Variants in UBR2 observed in about 807,000 individuals in gnomAD.
UBR2 encodes the protein ubiquitin protein ligase E3 component n-recognin 2.
A neutral mutation model predicts 247.9 loss-of-function variants in UBR2; 92 were observed. The observed-to-expected ratio is 0.37, with a 90% CI of 0.31 to 0.44. UBR2 has a LOEUF of 0.44. Among genes scored for constraint, UBR2 ranks in the 20% least tolerant of loss-of-function variants. The probability of loss-of-function intolerance (pLI) is 1.00; values close to 1 mark genes in which losing one functional copy is unlikely to be tolerated. For synonymous variants in UBR2, 672 were observed against 693.5 expected, an observed-to-expected ratio of 0.97 and a Z score of 0.49; for missense variants, 1,613 against 2,112.6, an observed-to-expected ratio of 0.76 and a Z score of 4.64.
chr6:42,659,096 G>A lies in UBR2; in HGVS notation c.3242+272G>A, dbSNP rs754878591. On this transcript the variant is annotated intron_variant, in intron 29 of 46. Coordinates refer to ENST00000372901, the MANE Select transcript of UBR2 (RefSeq NM_001363705.2). This position sits in a 1 kb window ranked among gnomAD's most constrained non-coding sequence, Gnocchi z 4.3. ...TACACTACACTCAGTTACCTAGAGC[G>A]TATGACATCTGTGTTGAAGATTAGA... Among the ~76,000 whole-genome samples, 32 of 152,114 alleles carry A rather than the reference G, an allele frequency of 2.1e-4. No individual in the cohort carries two copies. The highest frequency in any genetic ancestry group is 4.1e-4 in the Non-Finnish European group (28 of 68,022).
intron 4 of UBR2, among the ~76,000 whole-genome samples, chr6:42,602,733 A>G (rs1305304185): frequency 1.4e-5 from 2 of 146,006 alleles, no homozygotes; most frequent in African/African-American, 2.5e-5. Context: ...TATATTTTGC[A>G]CTATGTTTTA....
In UBR2 at chr6:42,603,638, T is replaced by G. The variant is rs924055151; in HGVS notation, c.582T>G (p.Ile194Met). ...SEDVIARTYN[I>M]FAITFRYAVE... The stretch of plus-strand genomic sequence containing the variant: ...ATGTGATAGCAAGAACTTATAACAT[T>G]TTTGCTATTACGTTTCGGTATGCAG... Residue 194 changes from isoleucine (I) to methionine (M), a missense_variant, in exon 5 of 47, where the codon ATT (isoleucine) becomes ATG (methionine). Transcript: ENST00000372901. 4.4e-6 allele frequency: 7 copies of G among 1,597,852 alleles called. No homozygotes were observed. The highest frequency in any genetic ancestry group is 6.0e-6 in the Non-Finnish European group (7 of 1,176,366).
intron 9 of UBR2, among the ~76,000 whole-genome samples, chr6:42,615,752 T>TA (rs112022552): frequency 0.031 from 4,107 of 130,420 alleles, 150 homozygotes; most frequent in African/African-American, 0.1. Context: ...AGCAAGACCC[T>TA]AAAAAAAAAA....
intron 44 of UBR2, among the ~76,000 whole-genome samples, chr6:42,687,766 C>T (rs967294477): frequency 6.6e-6 from 1 of 152,142 alleles, no homozygotes; most frequent in Non-Finnish European, 1.5e-5. Flanking sequence ...GTCTCAAACT[C>T]CTGACCTCAG....
intron 44 of UBR2, among the ~76,000 whole-genome samples, chr6:42,687,157 G>C (rs1414241513): frequency 1.3e-5 from 2 of 152,180 alleles, no homozygotes; most frequent in Non-Finnish European, 2.9e-5. Context: ...AGGTTGTAGC[G>C]AGCCGAGATC....
At chr6:42,629,112 G>A (rs1795535046) in intron 11 of UBR2, among the ~76,000 whole-genome samples, 1 of 152,028 alleles carries the variant, frequency 6.6e-6, no homozygotes, top group East Asian at 1.9e-4. Flanking sequence ...CGCCTCCTGG[G>A]TTCAAGCAGT....
intron 2 of UBR2, among the ~76,000 whole-genome samples, chr6:42,576,665 G>T (rs1170284650): frequency 6.6e-6 from 1 of 151,830 alleles, no homozygotes; most frequent in African/African-American, 2.4e-5. Context: ...GAGTAGATGG[G>T]ACTACAGGCG....
chr6:42,590,370 TA>T (rs1372089656), intron 2 of UBR2, among the ~76,000 whole-genome samples: 4 of 152,198 alleles, frequency 2.6e-5, no homozygotes, highest in Non-Finnish European at 4.4e-5. Context: ...AAATGATAGC[TA>T]AATGAGGACA....
Position 42,626,967 on chromosome 6 carries a change from C to G in UBR2, c.1282-5585C>G, listed in dbSNP as rs377457983. The stretch of plus-strand genomic sequence containing the variant: ...ACAATGGGTTACCTTGCTCGCTGCC[C>G]AGATAGAGCCGATTTATGAAGACGA... On this transcript the variant is annotated intron_variant, in intron 11 of 46. Transcript: ENST00000372901. Among the ~76,000 whole-genome samples, 48 of 152,180 alleles carry G rather than the reference C, an allele frequency of 3.2e-4. No individual in the cohort carries two copies. In the East Asian group the frequency reaches 8.3e-3, roughly 26 times the overall value.
At chr6:42,564,932 C>CT (rs372808088) in intron 1 of UBR2, among the ~76,000 whole-genome samples, 2,515 of 149,626 alleles carry the variant, frequency 0.017, 24 homozygotes, top group Middle Eastern at 0.028. Flanking sequence ...TCAGTGCTAT[C>CT]TTTTTTTTTT....
rs145272228 is a variant in UBR2 at position 42,610,331 on chromosome 6, C to G, written c.865-1840C>G. ...ACCATGTGATCCAGCAATTTTGCTT[C>G]TAGGTATATATGCAAAATAATTGAA... On this transcript the variant is annotated intron_variant, in intron 7 of 46. Transcript: ENST00000372901. Among the ~76,000 whole-genome samples the G allele has an allele frequency of 2.9e-3, 435 of 152,278 alleles. 5 individuals carry two copies. Among genetic ancestry groups the G allele is most frequent in the Admixed American group, 0.015 (231 of 15,294 alleles).
intron 21 of UBR2, among the ~76,000 whole-genome samples, chr6:42,646,733 A>G (rs903810431): frequency 1.3e-5 from 2 of 152,004 alleles, no homozygotes; most frequent in Non-Finnish European, 2.9e-5. Context: ...ACTCTGATCT[A>G]GAAAATGAGG....
At chr6:42,595,291 A>G (rs981788257) in intron 4 of UBR2, among the ~76,000 whole-genome samples, 4 of 152,232 alleles carry the variant, frequency 2.6e-5, no homozygotes, top group African/African-American at 9.6e-5. Context: ...CCGTTAGCCA[A>G]CCTGTGGCAG....
At chr6:42,644,132 C>T (rs747868815) in intron 18 of UBR2, 82 bp from the exon 19 acceptor site, 11 of 1,424,858 alleles carry the variant, frequency 7.7e-6, no homozygotes, top group Non-Finnish European at 9.4e-6. Context: ...GCAAGCCAAA[C>T]TATCTCTCAC....
chr6:42,679,730 G>C lies in UBR2; in HGVS notation c.4616G>C (p.Gly1539Ala), dbSNP rs757983850. The change falls in exon 42 of 47, where the codon GGA (glycine) becomes GCA (alanine). Residue 1539 changes from glycine to alanine, a missense_variant. By Grantham distance (60) the Gly-to-Ala change is moderately conservative. Coordinates refer to ENST00000372901, the MANE Select transcript of UBR2 (RefSeq NM_001363705.2). The stretch of plus-strand genomic sequence containing the variant: ...TCTTGTTCTTCATTTGCAGTTCCTG[G>C]AACAAGCCATTTTGAACATTTATGT... ...VPSPPDIQVP[G>A]TSHFEHLCSY... 6.2e-7 allele frequency: 1 copy of C among 1,612,584 alleles called. No individual in the cohort carries two copies. Among genetic ancestry groups the C allele is most frequent in the South Asian group, 1.1e-5 (1 of 90,830 alleles).
chr6:42,647,260 A>T (rs1260863466), intron 21 of UBR2, among the ~76,000 whole-genome samples: 1 of 152,132 alleles, frequency 6.6e-6, no homozygotes, highest in South Asian at 2.1e-4. Flanking sequence ...AAGGAACAAT[A>T]AAATTTCAAA....
intron 43 of UBR2, among the ~76,000 whole-genome samples, chr6:42,683,823 A>G (rs1403492815): frequency 1.3e-5 from 2 of 152,208 alleles, no homozygotes; most frequent in Non-Finnish European, 2.9e-5. Flanking sequence ...ACAGAATCCA[A>G]ACAGAAGTAA....
intron 1 of UBR2, among the ~76,000 whole-genome samples, chr6:42,570,446 T>TCAAGTGA (rs1207419284): frequency 3.9e-5 from 6 of 152,112 alleles, no homozygotes; most frequent in African/African-American, 7.2e-5. Context: ...TTGGCCATGG[T>TCAAGTGA]GGTCTCGAAC....
chr6:42,589,963 T>A (rs1792550275), intron 2 of UBR2, among the ~76,000 whole-genome samples: 1 of 152,202 alleles, frequency 6.6e-6, no homozygotes, highest in Non-Finnish European at 1.5e-5. Flanking sequence ...CTTTTTTGTA[T>A]TTATTCTCTT....
Sources: gnomAD v4.1 joint callset for allele counts (sites outside exome capture counted in the v4.1 genomes callset) on GRCh38, gnomAD v4.1.1 for gene constraint, Gnocchi (gnomAD v3.1) non-coding constraint, MANE v1.5 for transcripts, NCBI Gene and HGNC (gene_info 2026-07-23, HGNC 2026-07-21) for gene names.